Variants in FARS2 observed in about 807,000 individuals in gnomAD.
FARS2 encodes phenylalanine--tRNA ligase, mitochondrial.
A neutral mutation model predicts 46.4 loss-of-function variants in FARS2; 40 were observed. The observed-to-expected ratio is 0.86, with a 90% confidence interval of 0.67 to 1.12. The LOEUF is 1.12. Among genes scored for constraint, FARS2 ranks in the 50% most tolerant of loss-of-function variants. The probability of loss-of-function intolerance (pLI) is 0.00; values close to 1 mark genes in which losing one functional copy is unlikely to be tolerated. For synonymous variants in FARS2, 234 were observed against 214.9 expected (o/e 1.09, Z -0.78); for missense variants, 513 against 567.9 (o/e 0.90, Z 0.98).
chr6:5,380,391 G>C (rs1423990112), intron 2 of FARS2, among the ~76,000 whole-genome samples: 1 of 152,172 alleles, frequency 6.6e-6, no homozygotes. Flanking sequence ...TAGCTGAAGT[G>C]ATGTGTGAAA....
chr6:5,483,670 A>G (rs1032237107), intron 4 of FARS2, among the ~76,000 whole-genome samples: 2 of 147,418 alleles, frequency 1.4e-5, no homozygotes, highest in African/African-American at 5.4e-5. Flanking sequence ...CTGTCTCAAA[A>G]AATAAATAAA....
intron 1 of FARS2, among the ~76,000 whole-genome samples, chr6:5,305,945 A>G (rs1768670941): frequency 6.6e-6 from 1 of 152,196 alleles, no homozygotes; most frequent in Non-Finnish European, 1.5e-5. Context: ...TCAAACTTAC[A>G]GCTTTGCCTT....
intron 6 of FARS2, among the ~76,000 whole-genome samples, chr6:5,650,643 G>T (rs1777310326): frequency 6.6e-6 from 1 of 152,074 alleles, no homozygotes; most frequent in African/African-American, 2.4e-5. Flanking sequence ...ACCACGCCCG[G>T]CCAATTTTTG....
At chr6:5,398,156 G>A (rs1414169142) in intron 2 of FARS2, among the ~76,000 whole-genome samples, 1 of 152,090 alleles carries the variant, frequency 6.6e-6, no homozygotes, top group Admixed American at 6.6e-5. Flanking sequence ...TTGAGACTGT[G>A]TAAATAGTTC....
At chr6:5,274,825 A>G (rs148006945) in intron 1 of FARS2, among the ~76,000 whole-genome samples, 1 of 152,026 alleles carries the variant, frequency 6.6e-6, no homozygotes, top group Non-Finnish European at 1.5e-5. Flanking sequence ...ATCCTTCTGC[A>G]TCAGCCTCCC....
chr6:5,552,742 A>G (rs760675574), intron 5 of FARS2, among the ~76,000 whole-genome samples: 1 of 152,154 alleles, frequency 6.6e-6, no homozygotes, highest in African/African-American at 2.4e-5. Context: ...TCTTTAACCA[A>G]CCTGGATCTG....
At chr6:5,683,085 T>C (rs1779115209) in intron 6 of FARS2, among the ~76,000 whole-genome samples, 1 of 152,036 alleles carries the variant, frequency 6.6e-6, no homozygotes, top group Non-Finnish European at 1.5e-5. Flanking sequence ...CTAAGTGAGA[T>C]GGAGGGTTTT....
intron 4 of FARS2, among the ~76,000 whole-genome samples, chr6:5,467,705 A>G (rs150754887): frequency 6.6e-6 from 1 of 152,292 alleles, no homozygotes; most frequent in African/African-American, 2.4e-5. Context: ...TTTTATTATC[A>G]TCATTACTGT....
intron 6 of FARS2, among the ~76,000 whole-genome samples, chr6:5,644,965 C>T (rs897898284): frequency 3.3e-5 from 5 of 152,198 alleles, no homozygotes; most frequent in Non-Finnish European, 5.9e-5. Context: ...AGAGACTGAA[C>T]AAACTCTCAG....
chr6:5,587,126 T>C (rs141393441), intron 5 of FARS2, among the ~76,000 whole-genome samples: 16 of 152,330 alleles, frequency 1.1e-4, no homozygotes, highest in Non-Finnish European at 1.9e-4. Flanking sequence ...TCTTTGACCT[T>C]TGTCAATTCA....
chr6:5,463,366 T>C (rs1191031704), intron 4 of FARS2, among the ~76,000 whole-genome samples: 1 of 152,238 alleles, frequency 6.6e-6, no homozygotes, highest in East Asian at 1.9e-4. Flanking sequence ...TTCAGGAACC[T>C]TTCCTTTGTC....
At chr6:5,562,446 A>G (rs1278957158) in intron 5 of FARS2, among the ~76,000 whole-genome samples, 1 of 152,178 alleles carries the variant, frequency 6.6e-6, no homozygotes, top group Non-Finnish European at 1.5e-5. Flanking sequence ...GATTCAAAGC[A>G]TGAACTCATA....
At chr6:5,345,966 A>G (rs1757203302) in intron 1 of FARS2, among the ~76,000 whole-genome samples, 1 of 152,176 alleles carries the variant, frequency 6.6e-6, no homozygotes, top group African/African-American at 2.4e-5. Flanking sequence ...CATTCTCATT[A>G]AAAGACTCTG....
chr6:5,382,231 A>G (rs1256128861), intron 2 of FARS2, among the ~76,000 whole-genome samples: 1 of 152,236 alleles, frequency 6.6e-6, no homozygotes, highest in Non-Finnish European at 1.5e-5. Context: ...ATGAGTTTCA[A>G]GGGAACTTGG....
Position 5,466,838 on chromosome 6 carries a change from C to T in FARS2, c.904+35666C>T, listed in dbSNP as rs1307971666. The stretch of plus-strand genomic sequence containing the variant: ...GAGAAGCACTGAGTTGGGAATGGAG[C>T]CCATTTGGAGTCAGCAGCCCATGCT... On this transcript the variant is annotated intron_variant, in intron 4 of 6. Coordinates refer to ENST00000274680, the MANE Select transcript of FARS2 (RefSeq NM_006567.5). The T allele has an allele frequency of 5.1e-6, 5 of 985,312 alleles. No individual in the cohort carries two copies. In the African/African-American group the frequency reaches 8.7e-5, roughly 17 times the overall value. The allele number at this position is 985,312 out of a possible 1,614,324, so 61.0% of individuals were successfully genotyped here. A position where few individuals can be genotyped will look rare whatever the true frequency, so the allele number is the denominator to read the frequency against.
intron 1 of FARS2, among the ~76,000 whole-genome samples, chr6:5,360,210 AT>A (rs1758212428): frequency 6.6e-6 from 1 of 152,232 alleles, no homozygotes; most frequent in African/African-American, 2.4e-5. Flanking sequence ...TATTGGTTGA[AT>A]GGTACTATGC....
chr6:5,602,145 A>G lies in FARS2; in HGVS notation c.1066-11024A>G, dbSNP rs376911731. Among the ~76,000 whole-genome samples the G allele has an allele frequency of 1.3e-3, 197 of 152,302 alleles. 3 individuals are homozygous for G. The South Asian group carries it at 0.023, about 18-fold the overall frequency. On this transcript the variant is annotated intron_variant, in intron 5 of 6. Coordinates refer to ENST00000274680, the MANE Select transcript of FARS2 (RefSeq NM_006567.5). ...TTTGCAAGTGGAGAATGATAGTGCTACCCTGTTTCAGTAACATTAAAAAGG... is the reference window on the plus strand; with the variant it reads ...TTTGCAAGTGGAGAATGATAGTGCTGCCCTGTTTCAGTAACATTAAAAAGG...
At chr6:5,587,545 T>C (rs1391708166) in intron 5 of FARS2, among the ~76,000 whole-genome samples, 8 of 152,232 alleles carry the variant, frequency 5.3e-5, no homozygotes, top group Non-Finnish European at 1.5e-5. Flanking sequence ...ACAGCATATT[T>C]CATGCTGTGT....
At chr6:5,490,250 G>A (rs1265601795) in intron 4 of FARS2, among the ~76,000 whole-genome samples, 2 of 152,186 alleles carry the variant, frequency 1.3e-5, no homozygotes, top group Admixed American at 6.5e-5. Flanking sequence ...TTGCTAAGTA[G>A]CATTCTATTG....
Sources: allele counts gnomAD v4.1 joint callset (sites outside exome capture counted in the v4.1 genomes callset), GRCh38; gene constraint gnomAD v4.1.1; transcripts MANE v1.5; gene names NCBI Gene and HGNC (gene_info 2026-07-23, HGNC 2026-07-21).